The following CDKAL1 variants were observed in gnomAD, a reference collection of about 807,000 sequenced individuals.
CDKAL1 encodes CDKAL1 threonylcarbamoyladenosine tRNA methylthiotransferase.
A neutral mutation model predicts 68.2 loss-of-function variants in CDKAL1; 32 were observed. The observed-to-expected ratio is 0.47, with a 90% confidence interval of 0.35 to 0.63. The LOEUF (loss-of-function observed/expected upper bound fraction) is 0.63, where lower values mean the gene tolerates loss of function less well. CDKAL1 is among the 30% of genes least tolerant of loss of function. The probability of loss-of-function intolerance (pLI) is 0.00; values close to 1 mark genes in which losing one functional copy is unlikely to be tolerated. For missense variants in CDKAL1, 606 were observed against 696.7 expected, an observed-to-expected ratio of 0.87 and a Z score of 1.47; for synonymous variants, 234 against 244.3, an observed-to-expected ratio of 0.96 and a Z score of 0.39.
Position 20,995,933 on chromosome 6 carries a change from A to G in CDKAL1, c.910-4294A>G, listed in dbSNP as rs75490330. 6.9e-3 allele frequency among the ~76,000 whole-genome samples: 1,056 copies of G among 152,342 alleles called. 6 individuals are homozygous for G. The highest frequency in any genetic ancestry group is 0.024 in the African/African-American group (1,010 of 41,582). ...CTACATTGAAAATCTGCGGTGTGCC[A>G]TAGCCATCTTCATCAGTGATCTTAG... On this transcript the variant is annotated intron_variant, in intron 10 of 15. Coordinates refer to ENST00000274695, the MANE Select transcript of CDKAL1 (RefSeq NM_017774.3).
At chr6:20,904,925 C>A (rs1762168163) in intron 9 of CDKAL1, among the ~76,000 whole-genome samples, 1 of 152,050 alleles carries the variant, frequency 6.6e-6, no homozygotes, top group African/African-American at 2.4e-5. Context: ...TCAATCAAAT[C>A]AAATCAAAAC....
At chr6:20,782,940 CT>C (rs1162197544) in intron 8 of CDKAL1, among the ~76,000 whole-genome samples, 1 of 150,732 alleles carries the variant, frequency 6.6e-6, no homozygotes, top group East Asian at 1.9e-4. Flanking sequence ...ATTTTTTTTT[CT>C]TTTTTTTGAG....
chr6:20,822,662 G>A (rs1181195587), intron 8 of CDKAL1, among the ~76,000 whole-genome samples: 4 of 152,196 alleles, frequency 2.6e-5, no homozygotes, highest in South Asian at 2.1e-4. Flanking sequence ...TATGAGGATG[G>A]TTTCCCCAAT....
chr6:20,781,073 T>C, intron 7 of CDKAL1, 72 bp from the exon 8 acceptor site: 3 of 1,443,806 alleles, frequency 2.1e-6, no homozygotes, highest in Non-Finnish European at 2.8e-6. Flanking sequence ...AATGAACACA[T>C]TTGTTGAAAG....
intron 8 of CDKAL1, among the ~76,000 whole-genome samples, chr6:20,820,798 G>A (rs1308671787): frequency 6.6e-6 from 1 of 152,084 alleles, no homozygotes; most frequent in African/African-American, 2.4e-5. Flanking sequence ...TGAGGTGTTA[G>A]GGATATTGTG....
chr6:20,677,851 A>C (rs775372355), intron 5 of CDKAL1, among the ~76,000 whole-genome samples: 19 of 152,188 alleles, frequency 1.2e-4, no homozygotes, highest in Non-Finnish European at 2.5e-4. Context: ...TAGTTTTTAG[A>C]AATCTTCTAA....
intron 15 of CDKAL1, among the ~76,000 whole-genome samples, chr6:21,214,443 C>G (rs940125760): frequency 1.3e-5 from 2 of 152,066 alleles, no homozygotes; most frequent in African/African-American, 4.8e-5. Context: ...CTTGACCTCT[C>G]TCCCCTCGAG....
At chr6:21,206,831 G>C (rs915814294) in intron 15 of CDKAL1, among the ~76,000 whole-genome samples, 1 of 152,100 alleles carries the variant, frequency 6.6e-6, no homozygotes, top group Non-Finnish European at 1.5e-5. Context: ...ACCATGCATA[G>C]TAGGTATATT....
chr6:20,732,352 T>C lies in CDKAL1; in HGVS notation c.372-7167T>C, dbSNP rs529823286. 6.7e-5 allele frequency among the ~76,000 whole-genome samples: 10 copies of C among 148,426 alleles called. No individual in the cohort carries two copies. The East Asian group carries it at 2.0e-3, about 30-fold the overall frequency. ...AGTGCAGTGGCACCATTTTGCTCAG[T>C]GCAACCTCTGCCTCCGGGGTTCAAG... On this transcript the variant is annotated intron_variant, in intron 5 of 15. Transcript: ENST00000274695.
intron 13 of CDKAL1, among the ~76,000 whole-genome samples, chr6:21,179,410 G>A (rs1031260485): frequency 1.1e-4 from 16 of 152,134 alleles, no homozygotes; most frequent in African/African-American, 3.9e-4. Flanking sequence ...TAATCATGAG[G>A]ACACCTATAC....
At chr6:20,640,531 T>G (rs1165556465) in intron 4 of CDKAL1, among the ~76,000 whole-genome samples, 2 of 152,226 alleles carry the variant, frequency 1.3e-5, no homozygotes, top group African/African-American at 4.8e-5. Flanking sequence ...CCATGTCTCC[T>G]GCTCATTACC....
chr6:20,900,485 C>T (rs182586355), intron 9 of CDKAL1, among the ~76,000 whole-genome samples: 2 of 152,282 alleles, frequency 1.3e-5, no homozygotes, highest in African/African-American at 2.4e-5. Flanking sequence ...ATAACAGCAC[C>T]AGCATCGTAA....
chr6:20,718,627 A>G (rs980000054), intron 5 of CDKAL1, among the ~76,000 whole-genome samples: 1 of 152,166 alleles, frequency 6.6e-6, no homozygotes, highest in Admixed American at 6.5e-5. Context: ...CCCTCTTATC[A>G]CATTTTTACA....
Position 21,114,108 on chromosome 6 carries a change from C to T in CDKAL1, c.1299+5645C>T, listed in dbSNP as rs545995006. 9.7e-4 allele frequency among the ~76,000 whole-genome samples: 147 copies of T among 151,660 alleles called. 1 individual carries two copies. Among genetic ancestry groups the T allele is most frequent in the South Asian group, 1.0e-3 (5 of 4,792 alleles). On this transcript the variant is annotated intron_variant, in intron 13 of 15. Transcript: ENST00000274695. The stretch of plus-strand genomic sequence containing the variant: ...CTAAAAACAGAAAAAATTAGCCGGG[C>T]GTGGTGGCCGGCGCCTGTAGTCCCC...
At chr6:20,775,467 A>G (rs1001579280) in intron 7 of CDKAL1, among the ~76,000 whole-genome samples, 4 of 152,226 alleles carry the variant, frequency 2.6e-5, no homozygotes, top group African/African-American at 7.2e-5. Context: ...AGGATCAAAT[A>G]AAGAAGGAAT....
At chr6:21,184,196 CT>C (rs34248538) in intron 13 of CDKAL1, among the ~76,000 whole-genome samples, 50,011 of 116,608 alleles carry the variant, frequency 0.43, 10,030 homozygotes, top group African/African-American at 0.66. Flanking sequence ...TTTCTTTGAC[CT>C]TTTTTTTTTT....
chr6:21,119,353 G>T (rs1485416051), intron 13 of CDKAL1, among the ~76,000 whole-genome samples: 2 of 152,124 alleles, frequency 1.3e-5, no homozygotes, highest in African/African-American at 4.8e-5. Context: ...TGTCAGCTCT[G>T]CCACTAGTAC....
rs1779761566 is a variant in CDKAL1, at chr6:21,226,716, T to TTTTG, written c.1549-4128_1549-4125dup. On this transcript the variant is annotated intron_variant, in intron 15 of 15. Transcript: ENST00000274695. Reference sequence around the variant, plus strand: ...TTTTGTTGTTGCTGTTTTTGTTTTGTTTTGTTTTGTTTTTGAGATGGAGTC... The same window carrying TTTTG: ...TTTTGTTGTTGCTGTTTTTGTTTTGTTTTGTTTGTTTTGTTTTTGAGATGGAGTC... Among the ~76,000 whole-genome samples the TTTTG allele has an allele frequency of 2.0e-5, 3 of 151,162 alleles. No individual in the cohort carries two copies. The Admixed American group carries it at 2.0e-4, about 10-fold the overall frequency.
At chr6:21,121,499 A>G (rs570590453) in intron 13 of CDKAL1, among the ~76,000 whole-genome samples, 4 of 152,242 alleles carry the variant, frequency 2.6e-5, no homozygotes, top group Non-Finnish European at 4.4e-5. Context: ...ATGCTAAAAT[A>G]TAAAATAATG....
Sources: allele counts gnomAD v4.1 joint callset (sites outside exome capture counted in the v4.1 genomes callset), GRCh38; gene constraint gnomAD v4.1.1; transcripts MANE v1.5; gene names NCBI Gene and HGNC (gene_info 2026-07-23, HGNC 2026-07-21).